The following ESRP2 variants were observed in gnomAD, a reference collection of about 807,000 sequenced individuals.
The protein encoded by ESRP2 is epithelial splicing regulatory protein 2.
ESRP2 carries 48 observed loss-of-function variants against 78.6 expected under a neutral mutation model. The observed-to-expected ratio is 0.61, with a 90% CI of 0.48 to 0.78. The LOEUF (loss-of-function observed/expected upper bound fraction) is 0.78, where lower values mean the gene tolerates loss of function less well. Among genes scored for constraint, ESRP2 ranks in the 30% least tolerant of loss-of-function variants. The pLI is 0.00. For missense variants in ESRP2, 863 were observed against 965.9 expected, an observed-to-expected ratio of 0.89 and a Z score of 1.41; for synonymous variants, 383 against 406.7, an observed-to-expected ratio of 0.94 and a Z score of 0.70.
chr16:68,230,545 G>T lies in ESRP2; in HGVS notation c.1908C>A (p.Val636=), dbSNP rs202206703. The T allele has an allele frequency of 1.3e-6, 2 of 1,569,822 alleles. No homozygotes were observed. The highest frequency in any genetic ancestry group is 2.7e-5 in the African/African-American group (2 of 73,834). Residue 636 remains valine (V), a synonymous_variant, in exon 14 of 15, where the codon GTC becomes GTA. Transcript: ENST00000473183. The stretch of plus-strand genomic sequence containing the variant: ...TGAGGTAGCCCACAGTGGTGGGGGA[G>T]ACTGGGGGGCTAGGGTGGGAGAGAC... The part of the protein sequence containing the change: ...NYTAYYPSPP[V]SPTTVGYLTT...
Position 68,236,002 on chromosome 16 carries a change from G to A in ESRP2, c.44C>T (p.Pro15Leu). The change falls in exon 1 of 15, where the codon CCC (proline) becomes CTC (leucine). Residue 15 changes from proline (P) to leucine (L), a missense_variant. Physicochemically the swap from Pro to Leu is moderately conservative, Grantham distance 98. Coordinates refer to ENST00000473183, the MANE Select transcript of ESRP2 (RefSeq NM_024939.3). The surrounding 1 kb of genome is among the most constrained non-coding windows in gnomAD (Gnocchi z 5.2). ...PPPPPPPGPDPAADPAADPCP... is the reference protein window; with the variant it reads ...PPPPPPPGPDLAADPAADPCP... ...GGGGTCCGCGGCGGGGTCGGCCGCGGGGTCAGGGCCCGGGGGAGGGGGCGG... is the reference window on the plus strand; with the variant it reads ...GGGGTCCGCGGCGGGGTCGGCCGCGAGGTCAGGGCCCGGGGGAGGGGGCGG... The A allele has an allele frequency of 6.4e-7, 1 of 1,557,708 alleles. No individual in the cohort carries two copies. The highest frequency in any genetic ancestry group is 2.4e-5 in the East Asian group (1 of 41,454).
In ESRP2 at chr16:68,231,280, A is replaced by C; in HGVS notation, c.1609T>G (p.Tyr537Asp). 6.2e-7 allele frequency: 1 copy of C among 1,614,100 alleles called. No homozygotes were observed. The highest frequency in any genetic ancestry group is 8.5e-7 in the Non-Finnish European group (1 of 1,180,006). ...RCHKKVMKER[Y>D]VEVVPCSTEE... ...GTGGAACAGGGGACCACCTCCACGT[A>C]GCGCTCCTTCATCACCTTCTTATGG... Residue 537 changes from tyrosine (Y) to aspartate (D), a missense_variant, in exon 12 of 15, where the codon TAC becomes GAC. Coordinates refer to ENST00000473183, the MANE Select transcript of ESRP2 (RefSeq NM_024939.3). The surrounding 1 kb of genome is among the most constrained non-coding windows in gnomAD (Gnocchi z 6.0).
rs2042154315 is a variant in ESRP2 at position 68,232,379 on chromosome 16, A to G, written c.946T>C (p.Tyr316His). 1 of 1,613,846 alleles carries G rather than the reference A, an allele frequency of 6.2e-7. No individual in the cohort carries two copies. Among genetic ancestry groups the G allele is most frequent in the Non-Finnish European group, 8.5e-7 (1 of 1,179,944 alleles). ...CCAGCCCAAAGCCCCACCTCAATAT[A>G]GCGGACGCCCATGTGGTGCTTGTGT... is the stretch of plus-strand genomic sequence containing the variant. ...QRHKHHMGVRYIEVYKATGEE... is the reference protein window; with the variant it reads ...QRHKHHMGVRHIEVYKATGEE... The change falls in exon 8 of 15, where the codon TAT becomes CAT. Residue 316 changes from tyrosine (Y) to histidine (H), a missense_variant. By Grantham distance (83) the Tyr-to-His change is moderately conservative (BLOSUM62 2). Coordinates refer to ENST00000473183, the MANE Select transcript of ESRP2 (RefSeq NM_024939.3). This position sits in a 1 kb window ranked among gnomAD's most constrained non-coding sequence, Gnocchi z 5.2.
At chr16:68,230,778 C>G (rs562625559) in intron 13 of ESRP2, 63 bp downstream of exon 13, 2 of 1,593,408 alleles carry the variant, frequency 1.3e-6, no homozygotes, top group African/African-American at 1.3e-5. Context: ...GAAAGGGGAT[C>G]GTGACCTTTC....
Position 68,231,345 on chromosome 16 carries a change from A to G in ESRP2, c.1544T>C (p.Met515Thr). 6.2e-7 allele frequency: 1 copy of G among 1,614,126 alleles called. No homozygotes were observed. ...AGCTAGGGCTCGCTCTGCTGATGTC[A>G]TCTGAATGAAGGCATCGCCCGATGG... The part of the protein sequence containing the change: ...GRPSGDAFIQ[M>T]TSAERALAAA... Residue 515 changes from methionine to threonine, a missense_variant, in exon 12 of 15, where the codon ATG becomes ACG. Transcript: ENST00000473183. The surrounding 1 kb of genome is among the most constrained non-coding windows in gnomAD (Gnocchi z 6.0).
chr16:68,235,254 C>T lies in ESRP2; in HGVS notation c.327+380G>A, dbSNP rs1214655010. The T allele has an allele frequency of 9.1e-6, 9 of 985,324 alleles. No individual in the cohort carries two copies. The highest frequency in any genetic ancestry group is 1.1e-5 in the Non-Finnish European group (9 of 829,936). The allele number at this position is 985,324 out of a possible 1,614,324, so 61.0% of individuals were successfully genotyped here. A position where few individuals can be genotyped will look rare whatever the true frequency, so the allele number is the denominator to read the frequency against. ...AGGCCGAAGACGCGGGCCGCAAGGA[C>T]AGGTGACCTATATGGGCCCCTCGAC... On this transcript the variant is annotated intron_variant, in intron 2 of 14. Coordinates refer to ENST00000473183, the MANE Select transcript of ESRP2 (RefSeq NM_024939.3). The surrounding 1 kb of genome is among the most constrained non-coding windows in gnomAD (Gnocchi z 5.5).
chr16:68,233,548 GT>G (rs1303526909), intron 4 of ESRP2, 123 bp from the exon 5 acceptor site: 20 of 826,484 alleles, frequency 2.4e-5, no homozygotes, highest in Non-Finnish European at 4.1e-5. Flanking sequence ...TTTTGGCCCA[GT>G]TCATGTGTGC....
chr16:68,234,218 A>G (rs561262541), intron 2 of ESRP2, 111 bp from the exon 3 acceptor site: 13 of 792,236 alleles, frequency 1.6e-5, no homozygotes, highest in Non-Finnish European at 2.6e-5. Flanking sequence ...CCAGATGTTC[A>G]GCCCTATCCT....
At chr16:68,233,215 G>C in intron 5 of ESRP2, 112 bp downstream of exon 5, 1 of 541,220 alleles carries the variant, frequency 1.8e-6, no homozygotes, top group Non-Finnish European at 3.2e-6. Context: ...AAAAAAAAAA[G>C]AAATGACAAA....
intron 2 of ESRP2, chr16:68,234,991 C>T (rs1394385992): frequency 1.7e-5 from 5 of 302,758 alleles, no homozygotes; most frequent in African/African-American, 2.3e-5. Flanking sequence ...ATAGAATGAG[C>T]GCCGTAGTGA....
At chr16:68,233,659 G>A (rs2151195112) in intron 4 of ESRP2, 109 bp downstream of exon 4, 1 of 841,794 alleles carries the variant, frequency 1.2e-6, no homozygotes, top group South Asian at 1.5e-5. Flanking sequence ...GGACTTAGCA[G>A]ATAACGCAGT....
Position 68,231,189 on chromosome 16 carries a change from C to T in ESRP2, c.1700G>A (p.Cys567Tyr), listed in dbSNP as rs751558791. 2.5e-6 allele frequency: 4 copies of T among 1,613,138 alleles called. No homozygotes were observed. Among genetic ancestry groups the T allele is most frequent in the Non-Finnish European group, 3.4e-6 (4 of 1,179,940 alleles). ...CCTAGGGCACTCACAGGGCAGCTTG[C>T]AGGGTGGAGGGGACATGCCACTGCG... is the stretch of plus-strand genomic sequence containing the variant. ...LGRSGMSPPP[C>Y]KLPCLSPPTY... Residue 567 changes from cysteine (C) to tyrosine (Y), a missense_variant, in exon 12 of 15, where the codon TGC (cysteine) becomes TAC (tyrosine). Physicochemically the swap from Cys to Tyr is radical, Grantham distance 194 (BLOSUM62 -2). Transcript: ENST00000473183. The surrounding 1 kb of genome is among the most constrained non-coding windows in gnomAD (Gnocchi z 6.0).
At position 68,234,079 on chromosome 16, in the gene ESRP2, G is replaced by T. The variant is rs1224955531; in HGVS notation, c.356C>A (p.Ala119Asp). The change falls in exon 3 of 15, where the codon GCT (alanine) becomes GAT (aspartate). Residue 119 changes from alanine to aspartate, a missense_variant. Physicochemically the swap from Ala to Asp is moderately radical, Grantham distance 126. Coordinates refer to ENST00000473183, the MANE Select transcript of ESRP2 (RefSeq NM_024939.3). ...QFSQLVNGDV[A>D]LLGGGPYMLC... The stretch of plus-strand genomic sequence containing the variant: ...CATGTAGGGGCCCCCGCCCAGCAAA[G>T]CCACATCCCCGTTCACCAGCTGTGA... 3 of 1,613,298 alleles carry T rather than the reference G, an allele frequency of 1.9e-6. No individual in the cohort carries two copies. The highest frequency in any genetic ancestry group is 2.5e-6 in the Non-Finnish European group (3 of 1,179,678).
At chr16:68,233,249 G>C (rs1598653541) in intron 5 of ESRP2, 78 bp downstream of exon 5, 1 of 957,068 alleles carries the variant, frequency 1.0e-6, no homozygotes, top group Admixed American at 1.7e-5. Context: ...TGGTCTCTTA[G>C]AGAAGGTCAC....
At position 68,231,929 on chromosome 16, in the gene ESRP2, G is replaced by A. The variant is rs1447308697; in HGVS notation, c.1172C>T (p.Pro391Leu). The A allele has an allele frequency of 1.2e-6, 2 of 1,614,070 alleles. No individual in the cohort carries two copies. Among genetic ancestry groups the A allele is most frequent in the African/African-American group, 1.3e-5 (1 of 75,016 alleles). ...AAAGAGGGCGAAGGCATCACCAGTCGGCCGGCCATCAGGATGGCGCACAAA... is the reference window on the plus strand; with the variant it reads ...AAAGAGGGCGAAGGCATCACCAGTCAGCCGGCCATCAGGATGGCGCACAAA... ...LLFVRHPDGR[P>L]TGDAFALFAC... is the part of the protein sequence containing the mutation. Residue 391 changes from proline (P) to leucine (L), a missense_variant, in exon 10 of 15, where the codon CCG becomes CTG. By Grantham distance (98) the Pro-to-Leu change is moderately conservative. Coordinates refer to ENST00000473183, the MANE Select transcript of ESRP2 (RefSeq NM_024939.3). This position sits in a 1 kb window ranked among gnomAD's most constrained non-coding sequence, Gnocchi z 6.0.
rs376533831 is a variant in ESRP2 at position 68,232,413 on chromosome 16, C to T, written c.912G>A (p.Ala304=). The T allele has an allele frequency of 5.6e-6, 9 of 1,613,970 alleles. No homozygotes were observed. The highest frequency in any genetic ancestry group is 4.4e-5 in the South Asian group (4 of 91,086). ...RFVDSEQRDL[A]LQRHKHHMGV... Reference sequence around the variant, plus strand: ...CCATGTGGTGCTTGTGTCTCTGCAGCGCTAGGTCCCGCTGCTCGCTGTCCA... The same window carrying T: ...CCATGTGGTGCTTGTGTCTCTGCAGTGCTAGGTCCCGCTGCTCGCTGTCCA... Residue 304 remains alanine (A), a synonymous_variant, in exon 8 of 15, where the codon GCG becomes GCA. Transcript: ENST00000473183. This position sits in a 1 kb window ranked among gnomAD's most constrained non-coding sequence, Gnocchi z 5.2.
chr16:68,231,226 C>T lies in ESRP2; in HGVS notation c.1663G>A (p.Gly555Ser), dbSNP rs1210363962. Residue 555 changes from glycine to serine, a missense_variant, in exon 12 of 15, where the codon GGC becomes AGC. Gly to Ser is a moderately conservative substitution (Grantham distance 56). Transcript: ENST00000473183. The surrounding 1 kb of genome is among the most constrained non-coding windows in gnomAD (Gnocchi z 6.0). ...GACATGCCACTGCGGCCCAAGGTGC[C>T]CCCCATCAGCACTCGGCTCATCTCC... is the stretch of plus-strand genomic sequence containing the variant. ...TEEMSRVLMG[G>S]TLGRSGMSPP... 1.9e-6 allele frequency: 3 copies of T among 1,613,778 alleles called. No homozygotes were observed. Among genetic ancestry groups the T allele is most frequent in the South Asian group, 1.1e-5 (1 of 91,090 alleles).
Position 68,231,952 on chromosome 16 carries a change from A to G in ESRP2, c.1149T>C (p.Phe383=). 1 of 1,614,078 alleles carries G rather than the reference A, an allele frequency of 6.2e-7. No individual in the cohort carries two copies. The highest frequency in any genetic ancestry group is 8.5e-7 in the Non-Finnish European group (1 of 1,180,010). ...TCGGCCGGCCATCAGGATGGCGCAC[A>G]AAGAGCAGCCCCTCGGTACCCCCAG... ...PVTGGTEGLL[F]VRHPDGRPTG... is the part of the protein sequence containing the mutation. The change falls in exon 10 of 15, where the codon TTT becomes TTC. Residue 383 remains phenylalanine, a synonymous_variant. Transcript: ENST00000473183. This position sits in a 1 kb window ranked among gnomAD's most constrained non-coding sequence, Gnocchi z 6.0.
In ESRP2 at chr16:68,235,090, T is replaced by A. The variant is rs2042204773; in HGVS notation, c.327+544A>T. ...CAGGCCTTTGCACTCAGCAGGCAGA[T>A]AGTCCCCCAGGCCAGGCCGGGACAG... On this transcript the variant is annotated intron_variant, in intron 2 of 14. Transcript: ENST00000473183. The surrounding 1 kb of genome is among the most constrained non-coding windows in gnomAD (Gnocchi z 5.5). 1.0e-6 allele frequency: 1 copy of A among 986,044 alleles called. No homozygotes were observed. Among genetic ancestry groups the A allele is most frequent in the East Asian group, 1.1e-4 (1 of 8,794 alleles). 61.1% of individuals were successfully genotyped at this position (986,044 alleles called of 1,614,324 possible).
Sources: gnomAD v4.1 joint callset for allele counts on GRCh38, gnomAD v4.1.1 for gene constraint, Gnocchi (gnomAD v3.1) non-coding constraint, MANE v1.5 for transcripts, NCBI Gene and HGNC (gene_info 2026-07-23, HGNC 2026-07-21) for gene names.